Variants in SCIN observed in about 807,000 individuals in gnomAD.
The protein encoded by SCIN is scinderin.
A neutral mutation model predicts 91.8 loss-of-function variants in SCIN; 91 were observed. The ratio of observed to expected loss-of-function variants is 0.99; its 90% confidence interval spans 0.84 to 1.18. SCIN has a LOEUF of 1.18. Among genes scored for constraint, SCIN ranks in the 50% most tolerant of loss-of-function variants. The pLI is 0.00. For synonymous variants in SCIN, 367 were observed against 312.6 expected (o/e 1.17, Z -1.84); for missense variants, 1,087 against 863.9 (o/e 1.26, Z -3.24).
intron 3 of SCIN, among the ~76,000 whole-genome samples, chr7:12,599,371 G>C (rs541919961): frequency 0.022 from 536 of 23,842 alleles, 4 homozygotes; most frequent in Non-Finnish European, 0.032. Flanking sequence ...TTCATGGTGA[G>C]TGTGTGTGTG....
intron 4 of SCIN, among the ~76,000 whole-genome samples, chr7:12,610,810 T>C (rs1235530208): frequency 6.6e-6 from 1 of 152,192 alleles, no homozygotes; most frequent in Non-Finnish European, 1.5e-5. Context: ...AAACAGGTCT[T>C]GAGCTTATTT....
Position 12,625,788 on chromosome 7 carries a change from A to G in SCIN, c.919A>G (p.Lys307Glu), listed in dbSNP as rs1783507986. The change falls in exon 7 of 16, where the codon AAG becomes GAG. Residue 307 changes from lysine to glutamate, a missense_variant. Lys to Glu is a moderately conservative substitution (Grantham distance 56). Transcript: ENST00000297029. ...KGKDANPQER[K>E]AAMKTAEEFL... ...TAAAGATGCTAATCCCCAAGAGAGG[A>G]AGGCTGCAATGAAGACAGCTGAAGA... 1 of 1,612,190 alleles carries G rather than the reference A, an allele frequency of 6.2e-7. No homozygotes were observed. Among genetic ancestry groups the G allele is most frequent in the Admixed American group, 1.7e-5 (1 of 59,866 alleles).
rs1220798529 is a variant in SCIN, at chr7:12,644,670, C to T, written c.1846C>T (p.Leu616Phe). The T allele has an allele frequency of 1.3e-6, 2 of 1,586,894 alleles. No homozygotes were observed. The highest frequency in any genetic ancestry group is 1.8e-5 in the Admixed American group (1 of 55,484). The change falls in exon 13 of 16, where the codon CTT becomes TTT. Residue 616 changes from leucine to phenylalanine, a missense_variant. Leu to Phe is a conservative substitution (Grantham distance 22). Transcript: ENST00000297029. ...CCAGGCTGAAGACCATCCACCTCGG[C>T]TTTACGGCTGCTCTAACAAAACTGG... ...ETQAEDHPPR[L>F]YGCSNKTGRF... is the part of the protein sequence containing the mutation.
intron 1 of SCIN, among the ~76,000 whole-genome samples, chr7:12,576,365 T>TTG (rs1554289745): frequency 8.5e-6 from 1 of 117,718 alleles, no homozygotes; most frequent in African/African-American, 3.3e-5. Context: ...GTTGTTTTTT[T>TTG]TTGTTGTTGT....
intron 3 of SCIN, chr7:12,596,427 G>A (rs1245957473): frequency 4.4e-6 from 2 of 455,516 alleles, no homozygotes. Context: ...AGTGCAACAG[G>A]TGTGAACCTT....
At chr7:12,580,918 A>G in intron 2 of SCIN, 142 bp from the exon 3 acceptor site, 1 of 681,798 alleles carries the variant, frequency 1.5e-6, no homozygotes, top group Non-Finnish European at 2.4e-6. Flanking sequence ...GTTTTATGGA[A>G]TAGGTGGCTA....
intron 10 of SCIN, among the ~76,000 whole-genome samples, chr7:12,639,180 A>G (rs1033810714): frequency 6.6e-6 from 1 of 152,170 alleles, no homozygotes; most frequent in Admixed American, 6.5e-5. Context: ...CTTTGACAGT[A>G]AGGGATGGGC....
At position 12,581,069 on chromosome 7, in the gene SCIN, G is replaced by C; in HGVS notation, c.364G>C (p.Val122Leu). The C allele has an allele frequency of 1.3e-6, 2 of 1,550,888 alleles. No individual in the cohort carries two copies. The highest frequency in any genetic ancestry group is 1.7e-6 in the Non-Finnish European group (2 of 1,146,510). ...KGGLKYKAGG[V>L]ASGLNHVLTN... ...TTCCCTCATTCATCAGGCTGGAGGCGTGGCATCTGGATTAAATCATGTTCT... is the reference window on the plus strand; with the variant it reads ...TTCCCTCATTCATCAGGCTGGAGGCCTGGCATCTGGATTAAATCATGTTCT... Residue 122 changes from valine (V) to leucine (L), a missense_variant, in exon 3 of 16, where the codon GTG becomes CTG. Transcript: ENST00000297029.
rs577379211 is a variant in SCIN at position 12,653,808 on chromosome 7, G to C, written c.*1093G>C. On this transcript the variant is annotated 3_prime_UTR_variant, in exon 16 of 16. Transcript: ENST00000297029. The surrounding 1 kb of genome is among the most constrained non-coding windows in gnomAD (Gnocchi z 4.1). Reference sequence around the variant, plus strand: ...AATCTTAGCAATTTTTGTCCTGCAAGATTTCAGCAAAGCTACAGAAAAGTG... The same window carrying C: ...AATCTTAGCAATTTTTGTCCTGCAACATTTCAGCAAAGCTACAGAAAAGTG... 6 of 152,258 alleles carry C rather than the reference G, an allele frequency of 3.9e-5. No homozygotes were observed. The highest frequency in any genetic ancestry group is 7.2e-5 in the African/African-American group (3 of 41,576). 9.4% of individuals were successfully genotyped at this position (152,258 alleles called of 1,614,324 possible).
In SCIN at chr7:12,625,045, G is replaced by A. The variant is rs1198272765; in HGVS notation, c.795G>A (p.Val265=). Reference sequence around the variant, plus strand: ...CAAGTGGCTCCATGAGAGTGACTGTGGTGGCAGAAGAAAACCCCTTCTCAA... The same window carrying A: ...CAAGTGGCTCCATGAGAGTGACTGTAGTGGCAGAAGAAAACCCCTTCTCAA... The part of the protein sequence containing the change: ...SDASGSMRVT[V]VAEENPFSMA... Residue 265 remains valine, a synonymous_variant, in exon 6 of 16, where the codon GTG becomes GTA. Coordinates refer to ENST00000297029, the MANE Select transcript of SCIN (RefSeq NM_001112706.3). 11 of 1,576,712 alleles carry A rather than the reference G, an allele frequency of 7.0e-6. No individual in the cohort carries two copies. The highest frequency in any genetic ancestry group is 1.8e-5 in the Admixed American group (1 of 54,636).
At chr7:12,644,466 A>G in intron 12 of SCIN, 118 bp from the exon 13 acceptor site, 1 of 1,479,062 alleles carries the variant, frequency 6.8e-7, no homozygotes, top group Non-Finnish European at 9.0e-7. Flanking sequence ...ATGGTACCTG[A>G]TTTCTTTAAG....
At chr7:12,623,010 A>T in intron 5 of SCIN, 117 bp downstream of exon 5, 1 of 597,310 alleles carries the variant, frequency 1.7e-6, no homozygotes. Flanking sequence ...GCTCTCCAAG[A>T]GCAATGTGTA....
intron 9 of SCIN, among the ~76,000 whole-genome samples, chr7:12,635,206 G>A (rs1432330667): frequency 6.6e-6 from 1 of 151,656 alleles, no homozygotes; most frequent in Non-Finnish European, 1.5e-5. Context: ...ATTCCTTATG[G>A]AATTGCTAAG....
chr7:12,656,498 AG>A lies in SCIN; in HGVS notation c.*3784del, dbSNP rs1464845486. The A allele has an allele frequency of 2.6e-5, 4 of 152,240 alleles. No homozygotes were observed. The highest frequency in any genetic ancestry group is 2.6e-4 in the Admixed American group (4 of 15,284). 9.4% of individuals were successfully genotyped at this position (152,240 alleles called of 1,614,324 possible). Reference sequence around the variant, plus strand: ...CATTTGAACTGAACTTGAATTTAAAAGCCTACAAATGCCCCGCATATGTAGA... The same window carrying A: ...CATTTGAACTGAACTTGAATTTAAAACCTACAAATGCCCCGCATATGTAGA... On this transcript the variant is annotated 3_prime_UTR_variant, in exon 16 of 16. Transcript: ENST00000297029.
rs1228208504 is a variant in SCIN at position 12,655,749 on chromosome 7, T to G, written c.*3034T>G. On this transcript the variant is annotated 3_prime_UTR_variant, in exon 16 of 16. Transcript: ENST00000297029. Reference sequence around the variant, plus strand: ...TATATTTGCCAAACGTATGTACTAATCTAAAACCAAACACATTAGACTAGG... The same window carrying G: ...TATATTTGCCAAACGTATGTACTAAGCTAAAACCAAACACATTAGACTAGG... 6.6e-6 allele frequency: 1 copy of G among 152,196 alleles called. No individual in the cohort carries two copies. Among genetic ancestry groups the G allele is most frequent in the Non-Finnish European group, 1.5e-5 (1 of 68,030 alleles). The allele number at this position is 152,196 out of a possible 1,614,324, so 9.4% of individuals were successfully genotyped here.
At chr7:12,612,047 A>C (rs948851691) in intron 4 of SCIN, among the ~76,000 whole-genome samples, 1 of 148,914 alleles carries the variant, frequency 6.7e-6, no homozygotes, top group Non-Finnish European at 1.5e-5. Flanking sequence ...GAAACTCTGT[A>C]CTTTGTAAGA....
At position 12,644,679 on chromosome 7, in the gene SCIN, T is replaced by G. The variant is rs1176441459; in HGVS notation, c.1855T>G (p.Cys619Gly). The G allele has an allele frequency of 6.3e-7, 1 of 1,578,052 alleles. No individual in the cohort carries two copies. The highest frequency in any genetic ancestry group is 8.6e-7 in the Non-Finnish European group (1 of 1,161,098). The change falls in exon 13 of 16, where the codon TGC (cysteine) becomes GGC (glycine). Residue 619 changes from cysteine to glycine, a missense_variant. Cys to Gly is a radical substitution (Grantham distance 159). Transcript: ENST00000297029. ...AEDHPPRLYG[C>G]SNKTGRFVIE... ...AGACCATCCACCTCGGCTTTACGGC[T>G]GCTCTAACAAAACTGGAAGATTTGT... is the stretch of plus-strand genomic sequence containing the variant.
At chr7:12,593,772 A>G (rs1005874968) in intron 3 of SCIN, among the ~76,000 whole-genome samples, 1 of 152,136 alleles carries the variant, frequency 6.6e-6, no homozygotes, top group Non-Finnish European at 1.5e-5. Context: ...TGGTATTCCC[A>G]GGAAGGCTCT....
At chr7:12,623,445 T>A (rs1783450668) in intron 5 of SCIN, among the ~76,000 whole-genome samples, 1 of 152,200 alleles carries the variant, frequency 6.6e-6, no homozygotes, top group Non-Finnish European at 1.5e-5. Flanking sequence ...GCACAGGACA[T>A]AACCACTCTG....
Sources: allele counts gnomAD v4.1 joint callset (sites outside exome capture counted in the v4.1 genomes callset), GRCh38; gene constraint gnomAD v4.1.1; non-coding constraint Gnocchi (gnomAD v3.1); transcripts MANE v1.5; gene names NCBI Gene and HGNC (gene_info 2026-07-23, HGNC 2026-07-21).